Variants in TEX11 observed in about 807,000 individuals in gnomAD.
TEX11 encodes the protein testis expressed 11, also known as testis-expressed protein 11.
A neutral mutation model predicts 84.4 loss-of-function variants in TEX11; 7 were observed. The ratio of observed to expected loss-of-function variants is 0.08; its 90% CI spans 0.05 to 0.16. The LOEUF (loss-of-function observed/expected upper bound fraction) is 0.16. Ranked by LOEUF, TEX11 falls within the 10% of genes least tolerant of loss-of-function variation. The pLI is 1.00. For missense variants in TEX11, 551 were observed against 660.5 expected (o/e 0.83, Z 1.82); for synonymous variants, 264 against 222.8 (o/e 1.18, Z -1.64).
At chrX:70,870,383 T>A (rs754476838) in intron 4 of TEX11, among the ~76,000 whole-genome samples, 4 of 111,378 alleles carry the variant, frequency 3.6e-5, no homozygotes, top group Non-Finnish European at 7.5e-5. Flanking sequence ...TTGCCCAGGC[T>A]GGAGTGCAGT....
At position 70,550,660 on chromosome X, in the gene TEX11, T is replaced by C. The variant is rs1282055153; in HGVS notation, c.2520+1466A>G. ...CATATGAAAAGGTACTTACTATCAC[T>C]GATCATCAGAGAACTGCAAATCAAA... On this transcript the variant is annotated intron_variant, in intron 28 of 29. Coordinates refer to ENST00000374333, the MANE Select transcript of TEX11 (RefSeq NM_031276.3). 4.5e-5 allele frequency among the ~76,000 whole-genome samples: 5 copies of C among 111,970 alleles called. 1 individual carries two copies. The Admixed American group carries it at 4.7e-4, about 11-fold the overall frequency.
intron 7 of TEX11, among the ~76,000 whole-genome samples, chrX:70,842,039 T>C (rs2091448690): frequency 9.0e-6 from 1 of 111,378 alleles, no homozygotes; most frequent in Non-Finnish European, 1.9e-5. Context: ...CACAGCCGAA[T>C]TCTACCAGAG....
intron 28 of TEX11, among the ~76,000 whole-genome samples, chrX:70,530,952 G>C (rs1344093381): frequency 9.0e-6 from 1 of 110,798 alleles, no homozygotes; most frequent in African/African-American, 3.3e-5. Context: ...TGAGCACTAG[G>C]ATATTCCAGT....
chrX:70,667,927 CAA>C (rs57809004), intron 16 of TEX11, among the ~76,000 whole-genome samples: 5 of 94,775 alleles, frequency 5.3e-5, no homozygotes, highest in Admixed American at 1.1e-4. Flanking sequence ...GACTCTGTCT[CAA>C]AAAAAAAAAA....
chrX:70,803,064 C>A (rs1210332753), intron 9 of TEX11, among the ~76,000 whole-genome samples: 1 of 111,290 alleles, frequency 9.0e-6, no homozygotes, highest in Non-Finnish European at 1.9e-5. Context: ...TGCCTTCTGC[C>A]AGGAGCAGAC....
chrX:70,817,923 C>A (rs917480435), intron 8 of TEX11, among the ~76,000 whole-genome samples: 1 of 111,373 alleles, frequency 9.0e-6, no homozygotes, highest in Non-Finnish European at 1.9e-5. Context: ...AGTCAAGTAA[C>A]ACCAGCAAGA....
chrX:70,859,253 C>T (rs1007841562), intron 5 of TEX11, among the ~76,000 whole-genome samples: 1 of 108,314 alleles, frequency 9.2e-6, no homozygotes, highest in Admixed American at 1.0e-4. Flanking sequence ...TATTTTTCCA[C>T]TAAAAAAATG....
chrX:70,769,920 A>G (rs972720164), intron 9 of TEX11, among the ~76,000 whole-genome samples: 6 of 112,109 alleles, frequency 5.4e-5, no homozygotes, highest in Non-Finnish European at 9.4e-5. Context: ...ATCACCGTAT[A>G]TGTAAACCCT....
At chrX:70,787,814 A>G (rs913043801) in intron 9 of TEX11, among the ~76,000 whole-genome samples, 12 of 112,073 alleles carry the variant, frequency 1.1e-4, no homozygotes, top group African/African-American at 3.9e-4. Flanking sequence ...ATGAATAAAA[A>G]AATACAGTAA....
At chrX:70,907,280 C>A (rs2091838830) in intron 2 of TEX11, among the ~76,000 whole-genome samples, 2 of 111,452 alleles carry the variant, frequency 1.8e-5, no homozygotes, top group Non-Finnish European at 3.8e-5. Flanking sequence ...TGAATTCTGT[C>A]TCCCTACACT....
At chrX:70,753,989 G>A (rs1464050348) in intron 9 of TEX11, among the ~76,000 whole-genome samples, 1 of 110,107 alleles carries the variant, frequency 9.1e-6, no homozygotes, top group Non-Finnish European at 1.9e-5. Flanking sequence ...GAGACTTGCT[G>A]ACTTCAGGTG....
intron 13 of TEX11, among the ~76,000 whole-genome samples, chrX:70,697,477 G>T (rs957698203): frequency 8.9e-6 from 1 of 111,810 alleles, no homozygotes; most frequent in African/African-American, 3.2e-5. Flanking sequence ...TGGTGTTTTA[G>T]CAATCATCAC....
intron 11 of TEX11, among the ~76,000 whole-genome samples, chrX:70,739,852 T>C (rs1222380367): frequency 1.8e-5 from 2 of 111,524 alleles, no homozygotes; most frequent in East Asian, 2.8e-4. Flanking sequence ...TATTCATAGA[T>C]GCAATCATAG....
At chrX:70,680,696 A>G (rs1161446244) in intron 14 of TEX11, among the ~76,000 whole-genome samples, 1 of 111,988 alleles carries the variant, frequency 8.9e-6, no homozygotes, top group Non-Finnish European at 1.9e-5. Context: ...ACAGGTTTTC[A>G]TCATCAATTT....
chrX:70,572,569 C>T (rs967543308), intron 25 of TEX11, among the ~76,000 whole-genome samples: 1 of 110,469 alleles, frequency 9.1e-6, no homozygotes, highest in African/African-American at 3.3e-5. Context: ...TATTGCGGCA[C>T]TATTCACAAT....
At chrX:70,852,999 C>A (rs768854182) in intron 7 of TEX11, 35 bp downstream of exon 7, 274 of 1,188,105 alleles carry the variant, frequency 2.3e-4, no homozygotes, top group Non-Finnish European at 3.0e-4. Flanking sequence ...ATGGAAAATG[C>A]CCCACTGGAA....
intron 17 of TEX11, among the ~76,000 whole-genome samples, chrX:70,641,345 A>G (rs2089654967): frequency 9.0e-6 from 1 of 111,238 alleles, no homozygotes; most frequent in Non-Finnish European, 1.9e-5. Context: ...CACTGTCAAT[A>G]TTAGACAGAT....
At chrX:70,763,487 G>T (rs148526770) in intron 9 of TEX11, among the ~76,000 whole-genome samples, 42 of 110,277 alleles carry the variant, frequency 3.8e-4, no homozygotes, top group African/African-American at 1.4e-3. Context: ...TTACATATTG[G>T]GTACAGTGTA....
chrX:70,618,768 C>T (rs1307084843), intron 20 of TEX11, among the ~76,000 whole-genome samples: 1 of 112,082 alleles, frequency 8.9e-6, no homozygotes, highest in Non-Finnish European at 1.9e-5. Context: ...GCTGCTGAGT[C>T]ACATTTTCTC....
Sources: allele counts gnomAD v4.1 joint callset (sites outside exome capture counted in the v4.1 genomes callset), GRCh38; gene constraint gnomAD v4.1.1; transcripts MANE v1.5; gene names NCBI Gene and HGNC (gene_info 2026-07-23, HGNC 2026-07-21).